Variants in CDKAL1 observed in about 807,000 individuals in gnomAD.
The protein encoded by CDKAL1 is threonylcarbamoyladenosine tRNA methylthiotransferase.
In CDKAL1, 32 loss-of-function variants were observed where a neutral mutation model predicts 68.2. That is an observed-to-expected ratio of 0.47 (90% CI 0.35 to 0.63). CDKAL1 has a LOEUF of 0.63. CDKAL1 is among the 30% of genes least tolerant of loss of function. CDKAL1 has a pLI of 0.00. For synonymous variants in CDKAL1, 234 were observed against 244.3 expected (o/e 0.96, Z 0.39); for missense variants, 606 against 696.7 (o/e 0.87, Z 1.47).
intron 9 of CDKAL1, among the ~76,000 whole-genome samples, chr6:20,852,821 G>T (rs953020460): frequency 6.6e-6 from 1 of 152,336 alleles, no homozygotes; most frequent in Non-Finnish European, 1.5e-5. Flanking sequence ...TGAAGTAGAA[G>T]TGGGGCCCTG....
At chr6:20,987,219 T>C (rs528799027) in intron 10 of CDKAL1, among the ~76,000 whole-genome samples, 1 of 152,276 alleles carries the variant, frequency 6.6e-6, no homozygotes, top group East Asian at 1.9e-4. Context: ...GTCCACCATT[T>C]TTATTTATTA....
rs770158341 is a variant in CDKAL1, at chr6:21,108,512, T to C, written c.1299+49T>C. On this transcript the variant is annotated intron_variant, in intron 13 of 15. Transcript: ENST00000274695. ...TATTAAGTATTAAAGTCTTTCCGAATGTATAGTACAATTTTCACCAACATA... is the reference window on the plus strand; with the variant it reads ...TATTAAGTATTAAAGTCTTTCCGAACGTATAGTACAATTTTCACCAACATA... The C allele has an allele frequency of 3.3e-6, 4 of 1,197,578 alleles. No individual in the cohort carries two copies. In the East Asian group the frequency reaches 9.6e-5, roughly 29 times the overall value. The allele number at this position is 1,197,578 out of a possible 1,614,324, so 74.2% of individuals were successfully genotyped here.
At chr6:20,983,242 A>G (rs1462133412) in intron 10 of CDKAL1, among the ~76,000 whole-genome samples, 1 of 152,240 alleles carries the variant, frequency 6.6e-6, no homozygotes, top group African/African-American at 2.4e-5. Flanking sequence ...CAAAGATCCC[A>G]TTAATTTATT....
intron 12 of CDKAL1, among the ~76,000 whole-genome samples, chr6:21,097,462 C>T (rs766464241): frequency 4.0e-5 from 6 of 149,216 alleles, no homozygotes; most frequent in East Asian, 2.0e-4. Context: ...AGCAAGACTC[C>T]GTCTCAAAAA....
At chr6:21,114,549 G>GT (rs1239403038) in intron 13 of CDKAL1, among the ~76,000 whole-genome samples, 1 of 151,880 alleles carries the variant, frequency 6.6e-6, no homozygotes, top group Non-Finnish European at 1.5e-5. Context: ...CCTGGACAAC[G>GT]TAAGGAGACT....
chr6:21,098,906 A>G (rs9465965), intron 12 of CDKAL1, among the ~76,000 whole-genome samples: 38,049 of 152,026 alleles, frequency 0.25, 4,859 homozygotes, highest in South Asian at 0.36. Flanking sequence ...AAAGTGGGAC[A>G]AGCTTTAATG....
intron 8 of CDKAL1, among the ~76,000 whole-genome samples, chr6:20,827,010 A>T (rs1372469560): frequency 6.6e-6 from 1 of 152,222 alleles, no homozygotes; most frequent in Non-Finnish European, 1.5e-5. Context: ...ACAGTGGCTC[A>T]TAGTTAAAAA....
At chr6:21,205,677 C>G (rs1253324957) in intron 15 of CDKAL1, among the ~76,000 whole-genome samples, 1 of 150,550 alleles carries the variant, frequency 6.6e-6, no homozygotes, top group East Asian at 2.0e-4. Context: ...ACCACAGGAA[C>G]CCGCCACCAC....
At chr6:20,987,230 A>C (rs184512425) in intron 10 of CDKAL1, among the ~76,000 whole-genome samples, 2 of 151,176 alleles carry the variant, frequency 1.3e-5, no homozygotes, top group African/African-American at 4.8e-5. Flanking sequence ...TTATTTATTA[A>C]ACCTATGTTA....
intron 3 of CDKAL1, among the ~76,000 whole-genome samples, chr6:20,548,342 G>C (rs1763683991): frequency 6.6e-6 from 1 of 152,010 alleles, no homozygotes. Context: ...AGATCAGCCT[G>C]GACAGTATAG....
At chr6:20,898,145 T>A (rs1581787804) in intron 9 of CDKAL1, among the ~76,000 whole-genome samples, 3 of 152,052 alleles carry the variant, frequency 2.0e-5, no homozygotes, top group Middle Eastern at 3.2e-3. Flanking sequence ...AATGTGGGAC[T>A]TCTTGGGCTC....
chr6:21,216,077 A>G lies in CDKAL1; in HGVS notation c.1549-14771A>G, dbSNP rs1779331653. Among the ~76,000 whole-genome samples the G allele has an allele frequency of 2.0e-5, 3 of 152,196 alleles. No individual in the cohort carries two copies. In the East Asian group the frequency reaches 5.8e-4, roughly 29 times the overall value. ...TGTGAGCCTAGGGATGCAAGCTAGA[A>G]AAGGCAAGGCAATGGATTCTCCCCT... On this transcript the variant is annotated intron_variant, in intron 15 of 15. Transcript: ENST00000274695.
At chr6:20,577,645 A>G (rs911716203) in intron 4 of CDKAL1, among the ~76,000 whole-genome samples, 1 of 152,322 alleles carries the variant, frequency 6.6e-6, no homozygotes, top group Non-Finnish European at 1.5e-5. Context: ...TCAAAATACC[A>G]TGTTAATGTA....
At chr6:20,774,316 G>A (rs1218895899) in intron 7 of CDKAL1, among the ~76,000 whole-genome samples, 1 of 152,234 alleles carries the variant, frequency 6.6e-6, no homozygotes, top group Admixed American at 6.5e-5. Flanking sequence ...TAGAACGTGA[G>A]AACCAAACAG....
chr6:20,691,494 T>C (rs531203300), intron 5 of CDKAL1, among the ~76,000 whole-genome samples: 1 of 152,236 alleles, frequency 6.6e-6, no homozygotes, highest in African/African-American at 2.4e-5. Flanking sequence ...TAATTTAGTC[T>C]GTAGTTTTAT....
chr6:21,018,732 T>A (rs958029800), intron 11 of CDKAL1, among the ~76,000 whole-genome samples: 2 of 152,204 alleles, frequency 1.3e-5, no homozygotes, highest in Admixed American at 6.5e-5. Context: ...TATGTTATTA[T>A]TTGTTTTCTG....
intron 9 of CDKAL1, among the ~76,000 whole-genome samples, chr6:20,936,771 T>C (rs1175268394): frequency 6.6e-6 from 1 of 152,118 alleles, no homozygotes; most frequent in Non-Finnish European, 1.5e-5. Flanking sequence ...TAAAAATAGG[T>C]GATAATTTTA....
intron 6 of CDKAL1, among the ~76,000 whole-genome samples, chr6:20,747,624 T>C (rs1054221965): frequency 6.6e-6 from 1 of 152,240 alleles, no homozygotes; most frequent in Non-Finnish European, 1.5e-5. Context: ...TATTTGTATG[T>C]TTCCTTTGGA....
At chr6:20,588,049 A>G (rs1484355783) in intron 4 of CDKAL1, among the ~76,000 whole-genome samples, 1 of 152,098 alleles carries the variant, frequency 6.6e-6, no homozygotes, top group Non-Finnish European at 1.5e-5. Flanking sequence ...GTGAGGCAAG[A>G]TCATGCCACT....
Sources: allele counts gnomAD v4.1 joint callset (sites outside exome capture counted in the v4.1 genomes callset), GRCh38; gene constraint gnomAD v4.1.1; transcripts MANE v1.5; gene names NCBI Gene and HGNC (gene_info 2026-07-23, HGNC 2026-07-21).